The following CHODL variants were observed in gnomAD, a reference collection of about 807,000 sequenced individuals.
CHODL encodes chondrolectin.
In CHODL, 29 loss-of-function variants were observed where a neutral mutation model predicts 34.5. The ratio of observed to expected loss-of-function variants is 0.84; its 90% CI spans 0.63 to 1.15. The LOEUF (loss-of-function observed/expected upper bound fraction) is 1.15, where lower values mean the gene tolerates loss of function less well. CHODL is among the 50% of genes most tolerant of loss of function. The probability of loss-of-function intolerance (pLI) is 0.00; values close to 1 mark genes in which losing one functional copy is unlikely to be tolerated. For synonymous variants in CHODL, 125 were observed against 116.1 expected (o/e 1.08, Z -0.49); for missense variants, 332 against 332.5 (o/e 1.00, Z 0.01).
At position 18,057,345 on chromosome 21, in the gene CHODL, AT is replaced by A. The variant is rs1304729422; in HGVS notation, c.-45+29380del. 2.0e-5 allele frequency among the ~76,000 whole-genome samples: 3 copies of A among 151,340 alleles called. No individual in the cohort carries two copies. In the East Asian group the frequency reaches 5.8e-4, roughly 29 times the overall value. The stretch of plus-strand genomic sequence containing the variant: ...GTTTTCATCTTTTTTTCTATATTTT[AT>A]TTTTTAGAGCAGTTTTAGGTTCATA... On this transcript the variant is annotated intron_variant, in intron 2 of 6. Coordinates refer to the CHODL transcript ENST00000400127.
chr21:18,023,698 T>C (rs978773767), intron 1 of CHODL, among the ~76,000 whole-genome samples: 2 of 152,290 alleles, frequency 1.3e-5, no homozygotes, highest in Admixed American at 1.3e-4. Flanking sequence ...AGGAAAGTCA[T>C]AGGCAGGTTT....
chr21:18,011,811 C>G (rs2064022214), intron 1 of CHODL, among the ~76,000 whole-genome samples: 1 of 152,194 alleles, frequency 6.6e-6, no homozygotes, highest in Admixed American at 6.5e-5. Context: ...TTTGGTGAAG[C>G]AGATTTGCCA....
intron 2 of CHODL, among the ~76,000 whole-genome samples, chr21:18,160,700 A>G (rs1250712142): frequency 6.6e-6 from 1 of 152,194 alleles, no homozygotes; most frequent in Non-Finnish European, 1.5e-5. Flanking sequence ...TCCATTGTGT[A>G]TATATACTAC....
chr21:18,176,059 AG>A (rs1159071774), intron 2 of CHODL, among the ~76,000 whole-genome samples: 2 of 152,226 alleles, frequency 1.3e-5, no homozygotes, highest in Admixed American at 1.3e-4. Flanking sequence ...AAAGAGTCTG[AG>A]GATGGAGAAA....
chr21:18,020,853 C>A (rs1344921551), intron 1 of CHODL, among the ~76,000 whole-genome samples: 1 of 151,982 alleles, frequency 6.6e-6, no homozygotes, highest in East Asian at 1.9e-4. Flanking sequence ...ACCTGTAATC[C>A]CAGCATTTTG....
At chr21:18,100,013 A>G (rs1276586604) in intron 2 of CHODL, 1 of 152,156 alleles carries the variant, frequency 6.6e-6, no homozygotes, top group Non-Finnish European at 1.5e-5. Context: ...GCTAGACTGG[A>G]TAAATCTAAG....
At chr21:18,201,771 C>T (rs1383919948) in intron 2 of CHODL, among the ~76,000 whole-genome samples, 2 of 145,982 alleles carry the variant, frequency 1.4e-5, no homozygotes, top group African/African-American at 2.5e-5. Flanking sequence ...GACAGAAGCA[C>T]ATTTGAATAA....
At chr21:18,086,057 T>C (rs2065003356) in intron 2 of CHODL, among the ~76,000 whole-genome samples, 1 of 147,700 alleles carries the variant, frequency 6.8e-6, no homozygotes, top group African/African-American at 2.5e-5. Context: ...TTTTTTTTTT[T>C]TTTTTTTTTT....
At chr21:18,241,795 C>A (rs537431054), upstream of CHODL, among the ~76,000 whole-genome samples, 3 of 152,108 alleles carry the variant, frequency 2.0e-5, no homozygotes, top group African/African-American at 7.2e-5. Context: ...CTTTTGAAAA[C>A]GTTGGATTCC....
chr21:18,123,477 A>G (rs531901317), intron 2 of CHODL, among the ~76,000 whole-genome samples: 9 of 152,200 alleles, frequency 5.9e-5, no homozygotes, highest in Non-Finnish European at 1.0e-4. Flanking sequence ...TATAAAGAAA[A>G]TAAACATATT....
Position 18,216,797 on chromosome 21 carries a change from G to A in CHODL, c.-44-39712G>A, listed in dbSNP as rs997987469. 3.3e-5 allele frequency among the ~76,000 whole-genome samples: 5 copies of A among 152,178 alleles called. No individual in the cohort carries two copies. In the East Asian group the frequency reaches 5.8e-4, roughly 18 times the overall value. On this transcript the variant is annotated intron_variant, in intron 2 of 6. Transcript: ENST00000400127. ...TGGCAGGTGAGAGAAAAAGAGAAGC[G>A]GGGAAGTCCCAGACACTTATCACAC...
At chr21:18,058,266 G>A (rs1021294093) in intron 2 of CHODL, among the ~76,000 whole-genome samples, 4 of 152,088 alleles carry the variant, frequency 2.6e-5, no homozygotes, top group African/African-American at 9.7e-5. Context: ...ATATACATTA[G>A]TACAGCCATA....
chr21:18,181,487 C>T (rs1249031537), intron 2 of CHODL, among the ~76,000 whole-genome samples: 1 of 152,186 alleles, frequency 6.6e-6, no homozygotes, highest in East Asian at 1.9e-4. Context: ...ACTGCAAGCT[C>T]CGCCTCCTGG....
chr21:17,921,809 G>T (rs192942495), intron 1 of CHODL, among the ~76,000 whole-genome samples: 124 of 152,338 alleles, frequency 8.1e-4, no homozygotes, highest in African/African-American at 2.7e-3. Flanking sequence ...CCAGGCAAGA[G>T]ATAATGCTGA....
At chr21:18,144,854 C>T (rs2072849593) in intron 2 of CHODL, among the ~76,000 whole-genome samples, 1 of 149,740 alleles carries the variant, frequency 6.7e-6, no homozygotes, top group African/African-American at 2.4e-5. Flanking sequence ...ACATGAAAAG[C>T]CTTAAAGAAA....
chr21:18,144,196 A>G (rs2072837163), intron 2 of CHODL, among the ~76,000 whole-genome samples: 1 of 152,158 alleles, frequency 6.6e-6, no homozygotes. Context: ...ATTTATTGTA[A>G]AGGGAATCAT....
At chr21:18,048,178 A>G (rs947818286) in intron 2 of CHODL, among the ~76,000 whole-genome samples, 1 of 151,980 alleles carries the variant, frequency 6.6e-6, no homozygotes, top group African/African-American at 2.4e-5. Flanking sequence ...TCTTCCTGAG[A>G]AAAAGAGGAG....
chr21:18,108,749 G>A (rs1601014212), intron 2 of CHODL, among the ~76,000 whole-genome samples: 1 of 152,216 alleles, frequency 6.6e-6, no homozygotes, highest in Non-Finnish European at 1.5e-5. Flanking sequence ...TGAGAATGGA[G>A]TGAGAGTAAG....
intron 1 of CHODL, among the ~76,000 whole-genome samples, chr21:17,945,146 A>T (rs2063396146): frequency 6.6e-6 from 1 of 150,556 alleles, no homozygotes; most frequent in Admixed American, 6.6e-5. Flanking sequence ...TGGGAGGCGG[A>T]GCTTGCAGTG....
Sources: gnomAD v4.1 joint callset for allele counts (sites outside exome capture counted in the v4.1 genomes callset) on GRCh38, gnomAD v4.1.1 for gene constraint, MANE v1.5 for transcripts, NCBI Gene and HGNC (gene_info 2026-07-23, HGNC 2026-07-21) for gene names.